The following CAMTA1 variants were observed in gnomAD, a reference collection of about 807,000 sequenced individuals.
CAMTA1 encodes the protein calmodulin-binding transcription activator 1.
Under a neutral mutation model 170.9 loss-of-function variants are expected in CAMTA1, and 27 were observed. The observed-to-expected ratio is 0.16, with a 90% CI of 0.12 to 0.22. The LOEUF (loss-of-function observed/expected upper bound fraction) is 0.22. CAMTA1 is among the 10% of genes least tolerant of loss of function. CAMTA1 has a pLI of 1.00. For missense variants in CAMTA1, 1,619 were observed against 2,217.2 expected (o/e 0.73, Z 5.42); for synonymous variants, 833 against 891.5 (o/e 0.93, Z 1.17).
At chr1:6,859,504 A>G (rs554396254) in intron 3 of CAMTA1, among the ~76,000 whole-genome samples, 6 of 152,334 alleles carry the variant, frequency 3.9e-5, no homozygotes, top group African/African-American at 1.4e-4. Context: ...GAAATGTTGT[A>G]CCAGGCCAGG....
At chr1:7,236,755 G>C (rs1157737259) in intron 4 of CAMTA1, among the ~76,000 whole-genome samples, 1 of 152,224 alleles carries the variant, frequency 6.6e-6, no homozygotes, top group Non-Finnish European at 1.5e-5. Flanking sequence ...CAGTTGTCCT[G>C]GTTGTTACTG....
chr1:7,117,674 C>G (rs946366065), intron 4 of CAMTA1, among the ~76,000 whole-genome samples: 1 of 152,170 alleles, frequency 6.6e-6, no homozygotes, highest in South Asian at 2.1e-4. Context: ...GAGCAGAGGA[C>G]GGCCTCTGGC....
At chr1:7,733,970 A>G (rs2096752166) in intron 12 of CAMTA1, among the ~76,000 whole-genome samples, 1 of 152,116 alleles carries the variant, frequency 6.6e-6, no homozygotes, top group African/African-American at 2.4e-5. Flanking sequence ...TCTTTTTGAC[A>G]CGAAGTCTTG....
intron 3 of CAMTA1, among the ~76,000 whole-genome samples, chr1:6,977,212 C>T (rs936159644): frequency 2.6e-5 from 4 of 152,190 alleles, no homozygotes; most frequent in Non-Finnish European, 4.4e-5. Flanking sequence ...ATAAGCTGGG[C>T]AGGCTGGGTG....
chr1:6,797,929 A>T (rs1225662382), intron 1 of CAMTA1, among the ~76,000 whole-genome samples: 1 of 151,740 alleles, frequency 6.6e-6, no homozygotes, highest in South Asian at 2.1e-4. Context: ...ATAATGAAAT[A>T]ATTTATATAT....
intron 1 of CAMTA1, among the ~76,000 whole-genome samples, chr1:6,789,504 C>G (rs1640408100): frequency 6.6e-6 from 1 of 152,102 alleles, no homozygotes. Context: ...GGGAAATACC[C>G]CTTTGTGTGC....
intron 3 of CAMTA1, among the ~76,000 whole-genome samples, chr1:7,026,163 G>A (rs572758798): frequency 6.6e-6 from 1 of 152,070 alleles, no homozygotes; most frequent in East Asian, 1.9e-4. Flanking sequence ...AAGAGCAGGA[G>A]AGCAGGCCCA....
In CAMTA1 at chr1:7,481,801, C is replaced by CTTTT. The variant is rs34493010; in HGVS notation, c.510+13909_510+13912dup. 7.6e-3 allele frequency among the ~76,000 whole-genome samples: 1,111 copies of CTTTT among 147,112 alleles called. 13 individuals carry two copies. Among genetic ancestry groups the CTTTT allele is most frequent in the African/African-American group, 0.024 (974 of 40,038 alleles). On this transcript the variant is annotated intron_variant, in intron 6 of 22. Transcript: ENST00000303635. ...CAAAGTTCAATATTTGCATACAGTT[C>CTTTT]TTTTTTTTTTTTGCTTTTGAAGTAA...
chr1:7,751,103 G>A, intron 19 of CAMTA1, 96 bp from the exon 20 acceptor site: 6 of 991,736 alleles, frequency 6.0e-6, no homozygotes, highest in East Asian at 2.4e-5. Context: ...GAGGGGAAAA[G>A]CATTTTCTCT....
intron 5 of CAMTA1, among the ~76,000 whole-genome samples, chr1:7,331,200 T>C (rs1475002412): frequency 6.6e-6 from 1 of 152,032 alleles, no homozygotes; most frequent in African/African-American, 2.4e-5. Flanking sequence ...GATCATGCCA[T>C]TGCACTCCAG....
intron 3 of CAMTA1, among the ~76,000 whole-genome samples, chr1:6,855,314 A>G (rs1480063892): frequency 6.6e-6 from 1 of 151,826 alleles, no homozygotes; most frequent in Non-Finnish European, 1.5e-5. Context: ...TTATAAAGAA[A>G]AGAGGTTTAA....
intron 3 of CAMTA1, among the ~76,000 whole-genome samples, chr1:7,021,361 G>A (rs763793242): frequency 6.6e-5 from 10 of 152,182 alleles, no homozygotes; most frequent in Admixed American, 6.5e-4. Context: ...CACCAGCCCC[G>A]GGGGAATGCA....
At chr1:6,871,274 C>T (rs1434615110) in intron 3 of CAMTA1, among the ~76,000 whole-genome samples, 2 of 152,126 alleles carry the variant, frequency 1.3e-5, no homozygotes, top group Admixed American at 6.5e-5. Flanking sequence ...TATAGTTACA[C>T]GGTTTATTTT....
chr1:7,716,606 T>C (rs888664239), intron 11 of CAMTA1, among the ~76,000 whole-genome samples: 3 of 147,080 alleles, frequency 2.0e-5, no homozygotes, highest in African/African-American at 7.5e-5. Flanking sequence ...TTGGAACGTC[T>C]TGGGCTTTAA....
intron 1 of CAMTA1, among the ~76,000 whole-genome samples, chr1:6,813,483 T>A (rs1645424308): frequency 6.6e-6 from 1 of 151,756 alleles, no homozygotes; most frequent in Non-Finnish European, 1.5e-5. Flanking sequence ...CTTTTAAGTT[T>A]TTTTTTTTTT....
chr1:7,764,737 A>G lies in CAMTA1; in HGVS notation c.4990-1722A>G, dbSNP rs1254843630. Among the ~76,000 whole-genome samples, 20 of 152,178 alleles carry G rather than the reference A, an allele frequency of 1.3e-4. 1 individual carries two copies. Among genetic ancestry groups the G allele is most frequent in the Admixed American group, 1.3e-3 (20 of 15,278 alleles). Reference sequence around the variant, plus strand: ...CACTTTGGGAGGCTGAGGTGGGCAGATCACTTGAGCTCAGGAGTTCAAGAC... The same window carrying G: ...CACTTTGGGAGGCTGAGGTGGGCAGGTCACTTGAGCTCAGGAGTTCAAGAC... On this transcript the variant is annotated intron_variant, in intron 22 of 22. Transcript: ENST00000303635.
At chr1:6,998,062 GCTGTGTA>G (rs1269669720) in intron 3 of CAMTA1, among the ~76,000 whole-genome samples, 1 of 151,152 alleles carries the variant, frequency 6.6e-6, no homozygotes, top group East Asian at 2.0e-4. Context: ...TTATTCTTTG[GCTGTGTA>G]CTGAGTGCCT....
Position 7,736,967 on chromosome 1 carries a change from A to G in CAMTA1, c.3300A>G (p.Glu1100=). The G allele has an allele frequency of 6.2e-7, 1 of 1,613,684 alleles. No individual in the cohort carries two copies. The highest frequency in any genetic ancestry group is 8.5e-7 in the Non-Finnish European group (1 of 1,179,856). The stretch of plus-strand genomic sequence containing the variant: ...CGGATAGCATTGACCTGGAACTGGA[A>G]GTTGACCCCTTGAATGTGGACCACT... ...KHADSIDLEL[E]VDPLNVDHFS... The change falls in exon 14 of 23, where the codon GAA becomes GAG. Residue 1100 remains glutamate, a synonymous_variant. Coordinates refer to ENST00000303635, the MANE Select transcript of CAMTA1 (RefSeq NM_015215.4). The surrounding 1 kb of genome is among the most constrained non-coding windows in gnomAD (Gnocchi z 4.5).
intron 6 of CAMTA1, among the ~76,000 whole-genome samples, chr1:7,512,365 A>G (rs1004483114): frequency 6.6e-6 from 1 of 152,202 alleles, no homozygotes; most frequent in Non-Finnish European, 1.5e-5. Flanking sequence ...GTGGTCCTGG[A>G]GGGATGACAA....
Sources: allele counts gnomAD v4.1 joint callset (sites outside exome capture counted in the v4.1 genomes callset), GRCh38; gene constraint gnomAD v4.1.1; non-coding constraint Gnocchi (gnomAD v3.1); transcripts MANE v1.5; gene names NCBI Gene and HGNC (gene_info 2026-07-23, HGNC 2026-07-21).